CRADD: variants seen among roughly 807,000 people sequenced by gnomAD.
CRADD encodes death domain-containing protein CRADD.
A neutral mutation model predicts 15.5 loss-of-function variants in CRADD; 9 were observed. That is an observed-to-expected ratio of 0.58 (90% CI 0.35 to 1.01). The LOEUF (loss-of-function observed/expected upper bound fraction) is 1.01. CRADD is among the 50% of genes least tolerant of loss of function. The pLI is 0.02. For synonymous variants in CRADD, 118 were observed against 107.6 expected, an observed-to-expected ratio of 1.10 and a Z score of -0.60; for missense variants, 227 against 250.3, an observed-to-expected ratio of 0.91 and a Z score of 0.63.
At chr12:93,859,778 G>A (rs1242997630) in intron 2 of CRADD, among the ~76,000 whole-genome samples, 6 of 152,100 alleles carry the variant, frequency 3.9e-5, no homozygotes, top group African/African-American at 1.4e-4. Context: ...CAGCTGGAGT[G>A]CAGTGGTGTA....
intron 2 of CRADD, among the ~76,000 whole-genome samples, chr12:93,806,066 T>A (rs1421754572): frequency 6.6e-6 from 1 of 152,142 alleles, no homozygotes; most frequent in East Asian, 1.9e-4. Context: ...AATATGTTTC[T>A]TTGCCTCGGG....
At chr12:93,777,026 C>T (rs1411464781) in intron 2 of CRADD, among the ~76,000 whole-genome samples, 1 of 152,124 alleles carries the variant, frequency 6.6e-6, no homozygotes, top group African/African-American at 2.4e-5. Context: ...GTGAATTTTA[C>T]AATATGTGAA....
At chr12:93,798,703 G>A (rs561411323) in intron 2 of CRADD, among the ~76,000 whole-genome samples, 18 of 152,316 alleles carry the variant, frequency 1.2e-4, no homozygotes, top group Non-Finnish European at 2.1e-4. Context: ...AGCCACAGCT[G>A]TTACTATTAC....
At chr12:93,695,607 A>T (rs1291013709) in intron 2 of CRADD, among the ~76,000 whole-genome samples, 1 of 152,178 alleles carries the variant, frequency 6.6e-6, no homozygotes, top group Non-Finnish European at 1.5e-5. Flanking sequence ...AAAACAACCC[A>T]ATTAAAAAAT....
intron 2 of CRADD, among the ~76,000 whole-genome samples, chr12:93,847,267 T>C (rs925781679): frequency 1.3e-5 from 2 of 151,960 alleles, no homozygotes; most frequent in African/African-American, 4.8e-5. Flanking sequence ...CAGCAACCCC[T>C]ACCATAAAGT....
intron 2 of CRADD, chr12:93,859,274 A>G (rs1462890748): frequency 2.2e-6 from 1 of 453,612 alleles, no homozygotes; most frequent in African/African-American, 2.0e-5. Context: ...CTATAATCAA[A>G]TACATTTGTT....
At chr12:93,863,433 TC>T (rs1174074028) in intron 2 of CRADD, among the ~76,000 whole-genome samples, 2 of 152,176 alleles carry the variant, frequency 1.3e-5, no homozygotes, top group Admixed American at 6.6e-5. Context: ...AGTTTTATCT[TC>T]CCTTCATTCT....
chr12:93,738,501 A>G, intron 2 of CRADD: 1 of 701,822 alleles, frequency 1.4e-6, no homozygotes, highest in East Asian at 2.7e-5. Flanking sequence ...CTGGGACTGC[A>G]GCAACACTGA....
At chr12:93,855,178 G>A (rs1958262440), downstream of CRADD, among the ~76,000 whole-genome samples, 1 of 152,036 alleles carries the variant, frequency 6.6e-6, no homozygotes, top group African/African-American at 2.4e-5. Context: ...CTCGGAGACA[G>A]CAAAACTCCG....
chr12:93,857,012 A>T (rs1420913498), intron 2 of CRADD, among the ~76,000 whole-genome samples: 1 of 152,222 alleles, frequency 6.6e-6, no homozygotes, highest in Non-Finnish European at 1.5e-5. Flanking sequence ...TCTCACAAAG[A>T]CACAGTTCAG....
intron 2 of CRADD, among the ~76,000 whole-genome samples, chr12:93,878,126 T>A (rs889389386): frequency 1.3e-5 from 2 of 152,186 alleles, no homozygotes; most frequent in Non-Finnish European, 2.9e-5. Flanking sequence ...GGAGTAAGTA[T>A]GGGAAGAGAA....
chr12:93,787,463 C>T (rs1957292850), intron 2 of CRADD, among the ~76,000 whole-genome samples: 1 of 152,034 alleles, frequency 6.6e-6, no homozygotes, highest in Non-Finnish European at 1.5e-5. Context: ...AAGTGGTGCT[C>T]ACATGTGCAT....
chr12:93,679,399 C>A (rs1184247854), intron 2 of CRADD, among the ~76,000 whole-genome samples: 1 of 152,186 alleles, frequency 6.6e-6, no homozygotes, highest in Non-Finnish European at 1.5e-5. Context: ...ACCTCCGCCT[C>A]CCAAAGTGCT....
chr12:93,706,312 A>G (rs1955950252), intron 2 of CRADD, among the ~76,000 whole-genome samples: 1 of 152,242 alleles, frequency 6.6e-6, no homozygotes, highest in South Asian at 2.1e-4. Context: ...TTTAAAATGT[A>G]CCAATGGTGA....
intron 2 of CRADD, among the ~76,000 whole-genome samples, chr12:93,810,373 G>A (rs1016504784): frequency 1.3e-5 from 2 of 151,526 alleles, no homozygotes; most frequent in African/African-American, 4.8e-5. Context: ...ACATGGAGAA[G>A]CCCCATCTCT....
intron 2 of CRADD, among the ~76,000 whole-genome samples, chr12:93,873,068 T>G (rs551600662): frequency 6.6e-6 from 1 of 152,240 alleles, no homozygotes; most frequent in East Asian, 1.9e-4. Flanking sequence ...TTTTTTGGTG[T>G]CCTCTTCAAT....
intron 2 of CRADD, among the ~76,000 whole-genome samples, chr12:93,800,728 T>G (rs938307106): frequency 6.6e-6 from 1 of 152,176 alleles, no homozygotes. Context: ...TCAGGTAGTA[T>G]CTTTATAGCT....
chr12:93,878,631 A>T (rs1481015177), intron 2 of CRADD, among the ~76,000 whole-genome samples: 3 of 152,132 alleles, frequency 2.0e-5, no homozygotes, highest in Non-Finnish European at 2.9e-5. Flanking sequence ...GCTATAGCCC[A>T]TGGTGGTGAG....
intron 2 of CRADD, among the ~76,000 whole-genome samples, chr12:93,843,952 C>T: frequency 6.6e-6 from 1 of 152,042 alleles, no homozygotes; most frequent in Non-Finnish European, 1.5e-5. Context: ...GAACTCCTGA[C>T]CTCAAGTGAT....
Sources: gnomAD v4.1 joint callset for allele counts (sites outside exome capture counted in the v4.1 genomes callset) on GRCh38, gnomAD v4.1.1 for gene constraint, MANE v1.5 for transcripts, NCBI Gene and HGNC (gene_info 2026-07-23, HGNC 2026-07-21) for gene names.